SELENOI: variants seen among roughly 807,000 people sequenced by gnomAD.
SELENOI encodes the protein selenoprotein I, also known as ethanolaminephosphotransferase 1.
A neutral mutation model predicts 50.7 loss-of-function variants in SELENOI; 24 were observed. That is an observed-to-expected ratio of 0.47 (90% CI 0.34 to 0.67). The LOEUF (loss-of-function observed/expected upper bound fraction) is 0.67. SELENOI is among the 30% of genes least tolerant of loss of function. The probability of loss-of-function intolerance (pLI) is 0.01; values close to 1 mark genes in which losing one functional copy is unlikely to be tolerated. For synonymous variants in SELENOI, 155 were observed against 170.2 expected (o/e 0.91, Z 0.70); for missense variants, 352 against 461.4 (o/e 0.76, Z 2.17).
Position 26,347,879 on chromosome 2 carries a change from G to A in SELENOI, c.57+1590G>A, listed in dbSNP as rs538596537. On this transcript the variant is annotated intron_variant, in intron 1 of 9. Transcript: ENST00000260585. Reference sequence around the variant, plus strand: ...GAAGTTTCGTGTAATTTTCTGTTCTGATCTTTCCCCCTTTTTTATTATATA... The same window carrying A: ...GAAGTTTCGTGTAATTTTCTGTTCTAATCTTTCCCCCTTTTTTATTATATA... Among the ~76,000 whole-genome samples the A allele has an allele frequency of 1.1e-3, 173 of 152,142 alleles. 1 individual carries two copies. Among genetic ancestry groups the A allele is most frequent in the African/African-American group, 4.0e-3 (165 of 41,518 alleles).
At chr2:26,377,866 A>AT (rs796939317) in intron 6 of SELENOI, among the ~76,000 whole-genome samples, 26 of 149,336 alleles carry the variant, frequency 1.7e-4, no homozygotes, top group South Asian at 2.1e-4. Context: ...ATACCTAGCA[A>AT]TTTTTTTTTT....
chr2:26,359,185 A>C (rs76216725), intron 1 of SELENOI, among the ~76,000 whole-genome samples: 5,548 of 152,310 alleles, frequency 0.036, 232 homozygotes, highest in African/African-American at 0.1. Context: ...TATTTACTAT[A>C]TAGACCTTTA....
intron 4 of SELENOI, among the ~76,000 whole-genome samples, chr2:26,368,405 G>A (rs1278760484): frequency 3.9e-5 from 6 of 152,330 alleles, no homozygotes; most frequent in African/African-American, 9.6e-5. Context: ...ACAACACGCC[G>A]TAAGATCCTT....
At chr2:26,377,340 G>A (rs1677588925) in intron 6 of SELENOI, among the ~76,000 whole-genome samples, 1 of 151,384 alleles carries the variant, frequency 6.6e-6, no homozygotes, top group African/African-American at 2.4e-5. Context: ...TTAAGTTATT[G>A]TACTTTTCCC....
intron 3 of SELENOI, 113 bp downstream of exon 3, chr2:26,365,053 T>C: frequency 1.4e-6 from 1 of 707,810 alleles, no homozygotes; most frequent in Non-Finnish European, 2.2e-6. Flanking sequence ...TTGAATATTA[T>C]AATGGCATCA....
intron 6 of SELENOI, among the ~76,000 whole-genome samples, chr2:26,383,037 T>A (rs1239853191): frequency 6.6e-6 from 1 of 152,158 alleles, no homozygotes; most frequent in East Asian, 1.9e-4. Flanking sequence ...AAAACACCAA[T>A]TTGCCTGAAG....
At chr2:26,385,212 C>G (rs1462040949) in intron 8 of SELENOI, 73 bp downstream of exon 8, 2 of 923,190 alleles carry the variant, frequency 2.2e-6, no homozygotes, top group Admixed American at 7.6e-5. Context: ...TTTGAAAAAT[C>G]TTTAATATTA....
chr2:26,377,496 G>C (rs995212648), intron 6 of SELENOI, among the ~76,000 whole-genome samples: 1 of 152,036 alleles, frequency 6.6e-6, no homozygotes, highest in African/African-American at 2.4e-5. Flanking sequence ...GCCAAATATG[G>C]TGGTGCATGC....
intron 1 of SELENOI, among the ~76,000 whole-genome samples, chr2:26,359,898 AG>A (rs1241573001): frequency 1.3e-5 from 2 of 152,130 alleles, no homozygotes; most frequent in African/African-American, 4.8e-5. Context: ...ATGGTGTATA[AG>A]GTTAGGCATC....
intron 1 of SELENOI, chr2:26,346,918 C>A (rs1676791616): frequency 1.3e-5 from 2 of 152,220 alleles, no homozygotes; most frequent in South Asian, 4.1e-4. Flanking sequence ...TTGGGCACGT[C>A]ATTTTAACCC....
chr2:26,379,747 A>G (rs191050186), intron 6 of SELENOI, among the ~76,000 whole-genome samples: 2 of 152,352 alleles, frequency 1.3e-5, no homozygotes, highest in Admixed American at 1.3e-4. Context: ...TTATGATAAA[A>G]TACTTCATAA....
chr2:26,381,949 G>A (rs1677714990), intron 6 of SELENOI, among the ~76,000 whole-genome samples: 1 of 152,208 alleles, frequency 6.6e-6, no homozygotes, highest in Non-Finnish European at 1.5e-5. Context: ...ACAAACTGGG[G>A]CTAATATGTT....
At chr2:26,358,151 C>T (rs952847961) in intron 1 of SELENOI, among the ~76,000 whole-genome samples, 7 of 152,114 alleles carry the variant, frequency 4.6e-5, no homozygotes, top group Admixed American at 1.3e-4. Context: ...GCCTGCAATC[C>T]CAGCACTTTG....
intron 4 of SELENOI, among the ~76,000 whole-genome samples, chr2:26,369,180 C>T (rs1412478490): frequency 6.6e-6 from 1 of 152,180 alleles, no homozygotes; most frequent in Non-Finnish European, 1.5e-5. Context: ...AGGTATTCTA[C>T]TGTGCTTTAT....
chr2:26,347,731 T>C (rs1303041574), intron 1 of SELENOI, among the ~76,000 whole-genome samples: 6 of 152,216 alleles, frequency 3.9e-5, no homozygotes, highest in Admixed American at 1.3e-4. Context: ...GGTCTGACTT[T>C]CTAAGTGCCA....
chr2:26,384,239 C>T (rs1677791346), intron 7 of SELENOI, among the ~76,000 whole-genome samples: 2 of 152,324 alleles, frequency 1.3e-5, no homozygotes, highest in South Asian at 2.1e-4. Flanking sequence ...TTAAACCAAG[C>T]GCTATTAATC....
intron 9 of SELENOI, 112 bp downstream of exon 9, chr2:26,386,648 A>G: frequency 2.3e-6 from 2 of 884,518 alleles, no homozygotes; most frequent in Middle Eastern, 2.5e-4. Context: ...GTTGCTTATT[A>G]TAGTAGCTGT....
rs57102834 is a variant in SELENOI at position 26,381,198 on chromosome 2, C to CTTTTTTTTTTTT, written c.683-2081_683-2070dup. Among the ~76,000 whole-genome samples the CTTTTTTTTTTTT allele has an allele frequency of 6.3e-4, 19 of 30,196 alleles. 3 individuals carry two copies. The highest frequency in any genetic ancestry group is 3.1e-3 in the Admixed American group (5 of 1,616). The allele number at this position is 30,196 out of a possible 152,430, so 19.8% of individuals were successfully genotyped here. A position where few individuals can be genotyped will look rare whatever the true frequency, so the allele number is the denominator to read the frequency against. The stretch of plus-strand genomic sequence containing the variant: ...TGGATTGTATCTCCTTCAGTTTGGT[C>CTTTTTTTTTTTT]TTTTTTTTTTTTTTTTTTTTTTTTT... On this transcript the variant is annotated intron_variant, in intron 6 of 9. Transcript: ENST00000260585.
At chr2:26,354,565 T>C (rs1677027472) in intron 1 of SELENOI, among the ~76,000 whole-genome samples, 1 of 151,978 alleles carries the variant, frequency 6.6e-6, no homozygotes, top group Non-Finnish European at 1.5e-5. Flanking sequence ...TTTTTGTTTT[T>C]TTTTTTTAGT....
Sources: gnomAD v4.1 joint callset for allele counts (sites outside exome capture counted in the v4.1 genomes callset) on GRCh38, gnomAD v4.1.1 for gene constraint, MANE v1.5 for transcripts, NCBI Gene and HGNC (gene_info 2026-07-23, HGNC 2026-07-21) for gene names.